Variants in CNGB1 observed in about 807,000 individuals in gnomAD.
CNGB1 encodes the protein cyclic nucleotide-gated channel beta-1.
CNGB1 carries 126 observed loss-of-function variants against 151.7 expected under a neutral mutation model. That is an observed-to-expected ratio of 0.83 (90% CI 0.72 to 0.96). The LOEUF (loss-of-function observed/expected upper bound fraction) is 0.96, where lower values mean the gene tolerates loss of function less well. Ranked by LOEUF, CNGB1 falls within the 40% of genes least tolerant of loss-of-function variation. The pLI is 0.00. For missense variants in CNGB1, 1,698 were observed against 1,627.0 expected (o/e 1.04, Z -0.75); for synonymous variants, 623 against 635.1 (o/e 0.98, Z 0.29).
At position 57,882,393 on chromosome 16, in the gene CNGB1, T is replaced by G. The variant is rs1297928738; in HGVS notation, c.*1771A>C. 2 of 152,134 alleles carry G rather than the reference T, an allele frequency of 1.3e-5. No individual in the cohort carries two copies. Among genetic ancestry groups the G allele is most frequent in the Non-Finnish European group, 2.9e-5 (2 of 68,024 alleles). 9.4% of individuals were successfully genotyped at this position (152,134 alleles called of 1,614,324 possible). A position where few individuals can be genotyped will look rare whatever the true frequency, so the allele number is the denominator to read the frequency against. Reference sequence around the variant, plus strand: ...ATCATCACTATATTCAATGTGATGATTACCCGGATCACGTGACAAGCCATC... The same window carrying G: ...ATCATCACTATATTCAATGTGATGAGTACCCGGATCACGTGACAAGCCATC... On this transcript the variant is annotated 3_prime_UTR_variant, in exon 33 of 33. Coordinates refer to ENST00000251102, the MANE Select transcript of CNGB1 (RefSeq NM_001297.5).
chr16:57,922,422 T>C (rs1165975831), intron 18 of CNGB1, among the ~76,000 whole-genome samples: 1 of 140,260 alleles, frequency 7.1e-6, no homozygotes, highest in African/African-American at 3.2e-5. Flanking sequence ...TCTCTTTCTT[T>C]CTTTCTTTCT....
chr16:57,895,598 G>C (rs367997150), intron 31 of CNGB1, among the ~76,000 whole-genome samples: 6 of 149,636 alleles, frequency 4.0e-5, no homozygotes, highest in African/African-American at 1.2e-4. Context: ...TGTGTATGTG[G>C]GTGTGTTTCT....
intron 31 of CNGB1, among the ~76,000 whole-genome samples, chr16:57,891,819 A>G (rs1364651555): frequency 6.6e-6 from 1 of 152,158 alleles, no homozygotes; most frequent in Non-Finnish European, 1.5e-5. Context: ...AGCCTCCCAA[A>G]GTGCTGGGAT....
intron 32 of CNGB1, among the ~76,000 whole-genome samples, chr16:57,887,599 T>G (rs1959966930): frequency 6.6e-6 from 1 of 152,136 alleles, no homozygotes; most frequent in Non-Finnish European, 1.5e-5. Context: ...ATGGGAAAAC[T>G]CGTCCTGTTG....
intron 25 of CNGB1, among the ~76,000 whole-genome samples, chr16:57,907,764 T>C (rs1253053972): frequency 6.6e-6 from 1 of 152,180 alleles, no homozygotes; most frequent in Non-Finnish European, 1.5e-5. Context: ...GGAGCAGGGC[T>C]GTGAATGGGA....
chr16:57,948,299 TC>T (rs1961857921), intron 14 of CNGB1, among the ~76,000 whole-genome samples: 1 of 140,890 alleles, frequency 7.1e-6, no homozygotes, highest in South Asian at 2.3e-4. Context: ...AGGCAGTCCT[TC>T]TTTCTTCTTC....
intron 25 of CNGB1, among the ~76,000 whole-genome samples, chr16:57,905,577 G>A (rs1269706622): frequency 2.6e-5 from 4 of 152,242 alleles, no homozygotes; most frequent in Non-Finnish European, 5.9e-5. Flanking sequence ...CAGTCTGAAT[G>A]TGTCCCCCGA....
chr16:57,967,345 C>T lies in CNGB1; in HGVS notation c.-8-51G>A, dbSNP rs536285131. The T allele has an allele frequency of 1.4e-5, 22 of 1,553,390 alleles. No individual in the cohort carries two copies. The South Asian group carries it at 1.4e-4, about 10-fold the overall frequency. ...TCCCTGGAGCACTCACAGTAGCTCC[C>T]GCCACTTATGGGCCACTCTTATGAG... is the stretch of plus-strand genomic sequence containing the variant. On this transcript the variant is annotated intron_variant, in intron 1 of 32. Coordinates refer to ENST00000251102, the MANE Select transcript of CNGB1 (RefSeq NM_001297.5).
intron 31 of CNGB1, among the ~76,000 whole-genome samples, chr16:57,896,670 G>T (rs1960235960): frequency 6.6e-6 from 1 of 151,676 alleles, no homozygotes; most frequent in African/African-American, 2.4e-5. Flanking sequence ...CCAAGATTGT[G>T]CCACGGCACT....
intron 10 of CNGB1, 110 bp downstream of exon 10, chr16:57,959,778 C>T: frequency 7.4e-7 from 1 of 1,344,564 alleles, no homozygotes; most frequent in Non-Finnish European, 9.8e-7. Context: ...AAGGAGGCTG[C>T]ACACATCCAG....
intron 14 of CNGB1, among the ~76,000 whole-genome samples, chr16:57,943,676 A>G (rs1961728102): frequency 6.6e-6 from 1 of 152,114 alleles, no homozygotes; most frequent in Non-Finnish European, 1.5e-5. Context: ...GAAAAAAGAC[A>G]AGATAGCAAG....
chr16:57,893,789 A>C (rs1352530135), intron 31 of CNGB1, among the ~76,000 whole-genome samples: 1 of 152,054 alleles, frequency 6.6e-6, no homozygotes, highest in Non-Finnish European at 1.5e-5. Flanking sequence ...CTTGGCGACA[A>C]AGCAAGACTC....
chr16:57,919,343 T>A, intron 19 of CNGB1, 89 bp from the exon 20 acceptor site: 3 of 1,608,928 alleles, frequency 1.9e-6, no homozygotes, highest in Non-Finnish European at 2.5e-6. Context: ...AGACCTTGGA[T>A]CCAGATCTGA....
intron 22 of CNGB1, among the ~76,000 whole-genome samples, chr16:57,915,833 G>A (rs1483949154): frequency 2.0e-5 from 3 of 149,072 alleles, no homozygotes; most frequent in African/African-American, 7.5e-5. Context: ...AGGAGGCAGA[G>A]GTTGCAGTGA....
At position 57,963,063 on chromosome 16, in the gene CNGB1, G is replaced by A. The variant is rs570828500; in HGVS notation, c.292C>T (p.Pro98Ser). Residue 98 changes from proline (P) to serine (S), a missense_variant and splice_region_variant, in exon 5 of 33, where the codon CCC (proline) becomes TCC (serine). Coordinates refer to ENST00000251102, the MANE Select transcript of CNGB1 (RefSeq NM_001297.5). ...QGAEISEMNS[P>S]SRRVLTWLMK... The stretch of plus-strand genomic sequence containing the variant: ...AGCCAGGTCAGTACCCTGCGGCTGG[G>A]ACTGCGATGGACAGAGACACCAGCC... The A allele has an allele frequency of 3.1e-5, 50 of 1,609,940 alleles. No individual in the cohort carries two copies. The East Asian group carries it at 9.1e-4, about 29-fold the overall frequency.
At chr16:57,917,624 A>C in intron 20 of CNGB1, 148 bp from the exon 21 acceptor site, 1 of 639,884 alleles carries the variant, frequency 1.6e-6, no homozygotes, top group Non-Finnish European at 2.8e-6. Context: ...GTGTGTGTAT[A>C]TATACACACA....
chr16:57,911,916 G>A (rs1266076728), intron 24 of CNGB1, 41 bp from the exon 25 acceptor site: 3 of 1,609,312 alleles, frequency 1.9e-6, no homozygotes. Context: ...CGGCGGAAGG[G>A]GGAGGTGAGG....
rs188623427 is a variant in CNGB1 at position 57,954,357 on chromosome 16, A to T, written c.874+2984T>A. 7.8e-3 allele frequency among the ~76,000 whole-genome samples: 1,189 copies of T among 152,306 alleles called. 8 individuals are homozygous for T. The highest frequency in any genetic ancestry group is 0.012 in the Non-Finnish European group (829 of 68,026). On this transcript the variant is annotated intron_variant, in intron 12 of 32. Coordinates refer to ENST00000251102, the MANE Select transcript of CNGB1 (RefSeq NM_001297.5). ...CCTTCAGGTGCCAGCAGCTGCCCAG[A>T]CTGTCCTCACAAGCACAGTGTGGGC...
chr16:57,915,264 C>G lies in CNGB1; in HGVS notation c.2289G>C (p.Leu763=), dbSNP rs773069451. ...LKVGVNPLLR[L]PRCLKYMAFF... is the part of the protein sequence containing the mutation. ...GCAGTCCTACCTTTAAACAGCGGGGCAGGCGGAGGAGGGGGTTCACACCGA... is the reference window on the plus strand; with the variant it reads ...GCAGTCCTACCTTTAAACAGCGGGGGAGGCGGAGGAGGGGGTTCACACCGA... The change falls in exon 23 of 33, where the codon CTG becomes CTC. Residue 763 remains leucine (L), a synonymous_variant. Coordinates refer to ENST00000251102, the MANE Select transcript of CNGB1 (RefSeq NM_001297.5). 2 of 1,613,770 alleles carry G rather than the reference C, an allele frequency of 1.2e-6. No individual in the cohort carries two copies. The highest frequency in any genetic ancestry group is 2.2e-5 in the East Asian group (1 of 44,878).
Sources: allele counts gnomAD v4.1 joint callset (sites outside exome capture counted in the v4.1 genomes callset), GRCh38; gene constraint gnomAD v4.1.1; transcripts MANE v1.5; gene names NCBI Gene and HGNC (gene_info 2026-07-23, HGNC 2026-07-21).